Variants in COBL observed in about 807,000 individuals in gnomAD.
COBL encodes protein cordon-bleu.
Under a neutral mutation model 98.8 loss-of-function variants are expected in COBL, and 51 were observed. The ratio of observed to expected loss-of-function variants is 0.52; its 90% CI spans 0.41 to 0.65. The LOEUF (loss-of-function observed/expected upper bound fraction) is 0.65. Among genes scored for constraint, COBL ranks in the 30% least tolerant of loss-of-function variants. The probability of loss-of-function intolerance (pLI) is 0.00; values close to 1 mark genes in which losing one functional copy is unlikely to be tolerated. For synonymous variants in COBL, 634 were observed against 651.7 expected (o/e 0.97, Z 0.41); for missense variants, 1,617 against 1,617.5 (o/e 1.00, Z 0.01).
At chr7:51,114,958 T>C (rs555492644) in intron 6 of COBL, among the ~76,000 whole-genome samples, 1 of 152,322 alleles carries the variant, frequency 6.6e-6, no homozygotes, top group South Asian at 2.1e-4. Flanking sequence ...TAATGATAAA[T>C]ATTCACTGCA....
At chr7:51,088,531 A>G (rs772999331) in intron 6 of COBL, among the ~76,000 whole-genome samples, 3 of 151,920 alleles carry the variant, frequency 2.0e-5, no homozygotes, top group Admixed American at 6.6e-5. Flanking sequence ...TTTATGCTTT[A>G]TATCTTTTTC....
intron 1 of COBL, chr7:51,259,518 G>T: frequency 1.5e-6 from 1 of 662,958 alleles, no homozygotes; most frequent in Non-Finnish European, 2.8e-6. Context: ...TCTATTTGTG[G>T]TAGCAAGATG....
At chr7:51,274,080 C>G (rs1232156137) in intron 1 of COBL, among the ~76,000 whole-genome samples, 1 of 152,180 alleles carries the variant, frequency 6.6e-6, no homozygotes, top group Non-Finnish European at 1.5e-5. Context: ...CACAGTTCCC[C>G]CCAGTCCATG....
intron 6 of COBL, among the ~76,000 whole-genome samples, chr7:51,119,953 G>A (rs1275426662): frequency 6.6e-6 from 1 of 152,124 alleles, no homozygotes. Flanking sequence ...GAAAGGATGA[G>A]ACAGACCACA....
At chr7:51,306,639 T>G (rs1384445648) in intron 1 of COBL, among the ~76,000 whole-genome samples, 2 of 152,160 alleles carry the variant, frequency 1.3e-5, no homozygotes, top group South Asian at 2.1e-4. Flanking sequence ...AATTCATAAC[T>G]GCTCTGTGCT....
chr7:51,212,504 C>T (rs1792553620), intron 2 of COBL, among the ~76,000 whole-genome samples: 1 of 152,206 alleles, frequency 6.6e-6, no homozygotes, highest in African/African-American at 2.4e-5. Flanking sequence ...CTTCGATCTA[C>T]ATTACAAGCC....
At chr7:51,221,947 G>A (rs1793688768) in intron 1 of COBL, among the ~76,000 whole-genome samples, 1 of 152,292 alleles carries the variant, frequency 6.6e-6, no homozygotes, top group African/African-American at 2.4e-5. Flanking sequence ...CAGCATTTAT[G>A]GGAGGCCAAG....
chr7:51,241,616 C>A (rs925729025), intron 1 of COBL, among the ~76,000 whole-genome samples: 1 of 152,170 alleles, frequency 6.6e-6, no homozygotes, highest in African/African-American at 2.4e-5. Flanking sequence ...ATTGGAAGAG[C>A]AGTTTGATGA....
chr7:51,204,181 T>A (rs945975014), intron 2 of COBL, among the ~76,000 whole-genome samples: 8 of 152,176 alleles, frequency 5.3e-5, no homozygotes, highest in African/African-American at 1.7e-4. Context: ...TATCCATGCA[T>A]GCTGAAACTC....
At chr7:51,260,190 A>G in intron 1 of COBL, 2 of 788,648 alleles carry the variant, frequency 2.5e-6, no homozygotes, top group South Asian at 1.6e-5. Flanking sequence ...GTAGCTACTG[A>G]TCATGCGTAA....
chr7:51,088,490 C>T (rs1794500445), intron 6 of COBL, among the ~76,000 whole-genome samples: 1 of 151,794 alleles, frequency 6.6e-6, no homozygotes, highest in African/African-American at 2.4e-5. Context: ...TCCTGGATAC[C>T]ATAGCTTCTC....
At chr7:51,167,807 G>T (rs1413572914) in intron 5 of COBL, among the ~76,000 whole-genome samples, 1 of 152,106 alleles carries the variant, frequency 6.6e-6, no homozygotes, top group African/African-American at 2.4e-5. Context: ...AAGGTGCCAA[G>T]AACATACACT....
At chr7:51,038,330 C>T (rs1788839039) in intron 8 of COBL, among the ~76,000 whole-genome samples, 1 of 152,178 alleles carries the variant, frequency 6.6e-6, no homozygotes, top group South Asian at 2.1e-4. Flanking sequence ...CAACTGCACA[C>T]AACCCAAGCA....
intron 2 of COBL, among the ~76,000 whole-genome samples, chr7:51,210,497 G>C (rs73697831): frequency 6.6e-6 from 1 of 152,152 alleles, no homozygotes; most frequent in Non-Finnish European, 1.5e-5. Context: ...GGGGCTGCCA[G>C]GAGCTCCAGC....
intron 6 of COBL, among the ~76,000 whole-genome samples, chr7:51,118,186 C>T (rs1797445232): frequency 6.6e-6 from 1 of 152,136 alleles, no homozygotes; most frequent in Non-Finnish European, 1.5e-5. Flanking sequence ...CTATTGACTA[C>T]TGTATTAATT....
intron 1 of COBL, among the ~76,000 whole-genome samples, chr7:51,274,380 C>G (rs1291519850): frequency 6.6e-6 from 1 of 152,242 alleles, no homozygotes; most frequent in African/African-American, 2.4e-5. Context: ...GGTCCTGAGG[C>G]AGCTCTAGGT....
At chr7:51,174,630 C>G (rs941408485) in intron 5 of COBL, among the ~76,000 whole-genome samples, 1 of 152,118 alleles carries the variant, frequency 6.6e-6, no homozygotes, top group Non-Finnish European at 1.5e-5. Flanking sequence ...CCATAAAATG[C>G]CACACACTGG....
chr7:51,042,672 T>G (rs1306748603), intron 8 of COBL, among the ~76,000 whole-genome samples: 1 of 152,234 alleles, frequency 6.6e-6, no homozygotes, highest in African/African-American at 2.4e-5. Flanking sequence ...AAACGTGGCA[T>G]GTTTTTTAAA....
chr7:51,277,266 A>G (rs879750059), intron 1 of COBL, among the ~76,000 whole-genome samples: 1 of 152,144 alleles, frequency 6.6e-6, no homozygotes, highest in South Asian at 2.1e-4. Context: ...GAGTTCATGA[A>G]TATGTGTGCC....
Sources: allele counts gnomAD v4.1 joint callset (sites outside exome capture counted in the v4.1 genomes callset), GRCh38; gene constraint gnomAD v4.1.1; transcripts MANE v1.5; gene names NCBI Gene and HGNC (gene_info 2026-07-23, HGNC 2026-07-21).